SEMA3E: variants seen among roughly 807,000 people sequenced by gnomAD.
The protein encoded by SEMA3E is semaphorin 3E.
A neutral mutation model predicts 93.6 loss-of-function variants in SEMA3E; 49 were observed. The ratio of observed to expected loss-of-function variants is 0.52; its 90% CI spans 0.42 to 0.66. The LOEUF is 0.66. SEMA3E is among the 30% of genes least tolerant of loss of function. The probability of loss-of-function intolerance (pLI) is 0.00; values close to 1 mark genes in which losing one functional copy is unlikely to be tolerated. For synonymous variants in SEMA3E, 363 were observed against 330.7 expected (o/e 1.10, Z -1.06); for missense variants, 906 against 964.8 (o/e 0.94, Z 0.81).
chr7:83,419,959 C>T (rs1279785313), intron 4 of SEMA3E, among the ~76,000 whole-genome samples: 1 of 152,108 alleles, frequency 6.6e-6, no homozygotes, highest in African/African-American at 2.4e-5. Flanking sequence ...CACTGGAAGT[C>T]TTAGCAACAG....
At chr7:83,513,285 T>C (rs1359106620) in intron 1 of SEMA3E, among the ~76,000 whole-genome samples, 1 of 152,176 alleles carries the variant, frequency 6.6e-6, no homozygotes, top group African/African-American at 2.4e-5. Context: ...CCATCACATC[T>C]ACTTTAATCT....
intron 10 of SEMA3E, among the ~76,000 whole-genome samples, chr7:83,400,630 G>A (rs1179643289): frequency 6.6e-6 from 1 of 151,898 alleles, no homozygotes; most frequent in Admixed American, 6.6e-5. Context: ...TACAGAAATA[G>A]AATCTTCCTC....
At chr7:83,489,344 A>C (rs139283694) in intron 2 of SEMA3E, among the ~76,000 whole-genome samples, 1 of 152,146 alleles carries the variant, frequency 6.6e-6, no homozygotes, top group East Asian at 1.9e-4. Context: ...GTTTAAAATT[A>C]TTACCTCTAG....
intron 16 of SEMA3E, chr7:83,371,992 TCAAA>T: frequency 3.1e-6 from 1 of 322,518 alleles, no homozygotes; most frequent in Non-Finnish European, 5.6e-6. Flanking sequence ...TTTCATCTCT[TCAAA>T]CATATAAGTT....
chr7:83,491,030 G>A lies in SEMA3E; in HGVS notation c.116-756C>T, dbSNP rs572474545. On this transcript the variant is annotated intron_variant, in intron 1 of 16. Coordinates refer to ENST00000643230, the MANE Select transcript of SEMA3E (RefSeq NM_012431.3). ...TGATGAGAGAGAATAAAAACCCCAG[G>A]CCTAGACTCTGGATGCTAAAGAATT... Among the ~76,000 whole-genome samples, 11 of 152,136 alleles carry A rather than the reference G, an allele frequency of 7.2e-5. No individual in the cohort carries two copies. In the South Asian group the frequency reaches 2.3e-3, roughly 32 times the overall value.
chr7:83,515,075 C>A (rs920461246), intron 1 of SEMA3E, among the ~76,000 whole-genome samples: 10 of 151,984 alleles, frequency 6.6e-5, no homozygotes, highest in Non-Finnish European at 7.4e-5. Context: ...ATTTTCCTTG[C>A]CGGAGCAAAT....
intron 2 of SEMA3E, among the ~76,000 whole-genome samples, chr7:83,472,113 T>C (rs555576812): frequency 6.6e-6 from 1 of 152,200 alleles, no homozygotes; most frequent in South Asian, 2.1e-4. Flanking sequence ...GTTACCTTTT[T>C]GTACATGCCC....
intron 1 of SEMA3E, among the ~76,000 whole-genome samples, chr7:83,571,504 CTT>C (rs1792286128): frequency 2.0e-5 from 3 of 152,126 alleles, no homozygotes; most frequent in African/African-American, 7.2e-5. Flanking sequence ...TGAAAAAAGT[CTT>C]TGATAAAATC....
chr7:83,487,696 T>TGTGTGTGA (rs2115967645), intron 2 of SEMA3E, among the ~76,000 whole-genome samples: 1 of 151,220 alleles, frequency 6.6e-6, no homozygotes, highest in South Asian at 2.1e-4. Context: ...TGTGTGTGTG[T>TGTGTGTGA]GTGTGTGTGT....
chr7:83,531,821 T>C (rs1273197579), intron 1 of SEMA3E, among the ~76,000 whole-genome samples: 1 of 152,222 alleles, frequency 6.6e-6, no homozygotes, highest in Non-Finnish European at 1.5e-5. Context: ...TTCACTTCTT[T>C]TGTACTGTAA....
chr7:83,421,525 A>G (rs1788669184), intron 4 of SEMA3E, among the ~76,000 whole-genome samples: 1 of 141,638 alleles, frequency 7.1e-6, no homozygotes, highest in Non-Finnish European at 1.6e-5. Context: ...ATAAAAATCA[A>G]TATTGAAAAA....
chr7:83,541,052 T>C (rs529054228), intron 1 of SEMA3E, among the ~76,000 whole-genome samples: 2 of 152,298 alleles, frequency 1.3e-5, no homozygotes, highest in East Asian at 3.9e-4. Context: ...TACTTTCAGA[T>C]GCACACACCC....
chr7:83,575,380 T>C (rs1792378482), intron 1 of SEMA3E, among the ~76,000 whole-genome samples: 1 of 151,858 alleles, frequency 6.6e-6, no homozygotes, highest in African/African-American at 2.4e-5. Flanking sequence ...AGGTATCTTT[T>C]AGAGACAAAA....
intron 2 of SEMA3E, among the ~76,000 whole-genome samples, chr7:83,477,940 GACGGAGTTTC>G (rs1790052927): frequency 6.7e-6 from 1 of 148,434 alleles, no homozygotes; most frequent in Non-Finnish European, 1.5e-5. Context: ...TTTTTTTTGA[GACGGAGTTTC>G]ACTCTTATTG....
intron 2 of SEMA3E, among the ~76,000 whole-genome samples, chr7:83,471,436 A>G (rs979210791): frequency 3.3e-5 from 5 of 151,962 alleles, no homozygotes; most frequent in Admixed American, 1.3e-4. Context: ...ATAGGAGGAA[A>G]GGCTGAATTA....
chr7:83,402,795 A>G lies in SEMA3E; in HGVS notation c.999-19T>C, dbSNP rs2115628543. 6.2e-7 allele frequency: 1 copy of G among 1,607,140 alleles called. No individual in the cohort carries two copies. The highest frequency in any genetic ancestry group is 8.5e-7 in the Non-Finnish European group (1 of 1,175,928). On this transcript the variant is annotated intron_variant, in intron 9 of 16. Coordinates refer to ENST00000643230, the MANE Select transcript of SEMA3E (RefSeq NM_012431.3). The stretch of plus-strand genomic sequence containing the variant: ...AATATTACTGAAAAATACAAAAAAG[A>G]TAATTATTCTTCTGGAACTAACTGC...
chr7:83,574,381 A>G (rs1792356011), intron 1 of SEMA3E, among the ~76,000 whole-genome samples: 1 of 152,100 alleles, frequency 6.6e-6, no homozygotes, highest in Non-Finnish European at 1.5e-5. Context: ...TGTTATGAAG[A>G]AGAGATTCCA....
Position 83,490,251 on chromosome 7 carries a change from A to T in SEMA3E, c.139T>A (p.Ser47Thr), listed in dbSNP as rs749009229. 6.2e-7 allele frequency: 1 copy of T among 1,612,636 alleles called. No individual in the cohort carries two copies. The highest frequency in any genetic ancestry group is 8.5e-7 in the Non-Finnish European group (1 of 1,179,330). ...AATCCAAAAGGGCTATGAAATATTGATGTTCTGTTCAGATTCAAGAGCTCT... is the reference window on the plus strand; with the variant it reads ...AATCCAAAAGGGCTATGAAATATTGTTGTTCTGTTCAGATTCAAGAGCTCT... ...HKELLNLNRT[S>T]IFHSPFGFLD... Residue 47 changes from serine to threonine, a missense_variant, in exon 2 of 17, where the codon TCA becomes ACA. Physicochemically the swap from Ser to Thr is moderately conservative, Grantham distance 58. Transcript: ENST00000643230.
At chr7:83,393,156 C>T (rs746177676) in intron 13 of SEMA3E, among the ~76,000 whole-genome samples, 11 of 151,928 alleles carry the variant, frequency 7.2e-5, no homozygotes, top group Non-Finnish European at 1.6e-4. Flanking sequence ...AAAATTGCTA[C>T]ACTGAACTTG....
Sources: gnomAD v4.1 joint callset for allele counts (sites outside exome capture counted in the v4.1 genomes callset) on GRCh38, gnomAD v4.1.1 for gene constraint, MANE v1.5 for transcripts, NCBI Gene and HGNC (gene_info 2026-07-23, HGNC 2026-07-21) for gene names.